The following IKBKB variants were observed in gnomAD, a reference collection of about 807,000 sequenced individuals.
IKBKB encodes inhibitor of nuclear factor kappa-B kinase subunit beta.
Under a neutral mutation model 113.6 loss-of-function variants are expected in IKBKB, and 42 were observed. The ratio of observed to expected loss-of-function variants is 0.37; its 90% CI spans 0.29 to 0.48. The LOEUF (loss-of-function observed/expected upper bound fraction) is 0.48. Among genes scored for constraint, IKBKB ranks in the 20% least tolerant of loss-of-function variants. IKBKB has a pLI of 0.99. For synonymous variants in IKBKB, 296 were observed against 361.3 expected (o/e 0.82, Z 2.05); for missense variants, 673 against 939.7 (o/e 0.72, Z 3.71).
chr8:42,301,002 C>T (rs1815088357), intron 5 of IKBKB, among the ~76,000 whole-genome samples: 1 of 152,100 alleles, frequency 6.6e-6, no homozygotes, highest in Non-Finnish European at 1.5e-5. Flanking sequence ...TGAAGGCATG[C>T]GCCACCATGC....
chr8:42,305,102 C>T (rs758703014), intron 5 of IKBKB, 85 bp from the exon 6 acceptor site: 19 of 873,296 alleles, frequency 2.2e-5, no homozygotes, highest in African/African-American at 1.3e-4. Context: ...CAGGGGCATG[C>T]GGCATTTATC....
At chr8:42,317,984 G>A (rs780663653) in intron 12 of IKBKB, among the ~76,000 whole-genome samples, 9 of 152,198 alleles carry the variant, frequency 5.9e-5, no homozygotes, top group South Asian at 2.1e-4. Flanking sequence ...CTCCTAGGAC[G>A]GGCGTGGTGG....
intron 4 of IKBKB, among the ~76,000 whole-genome samples, chr8:42,292,892 A>C (rs923240159): frequency 6.6e-6 from 1 of 152,118 alleles, no homozygotes; most frequent in Non-Finnish European, 1.5e-5. Flanking sequence ...ACCCGTACTT[A>C]CTCAGTGGTG....
At position 42,326,070 on chromosome 8, in the gene IKBKB, A is replaced by G. The variant is rs202226005; in HGVS notation, c.2087A>G (p.Asn696Ser). ...ATGTCTCAGCCCTCCACGGCCTCCA[A>G]CAGCTTACCTGAGCCAGCCAAGAAG... ...QLMSQPSTAS[N>S]SLPEPAKKSE... Residue 696 changes from asparagine to serine, a missense_variant, in exon 20 of 22, where the codon AAC becomes AGC. Around this residue, in one of 2 missense-constraint regions of IKBKB, gnomAD observed 506 missense variants for 638.7 expected, o/e 0.79. Transcript: ENST00000520810. The G allele has an allele frequency of 6.8e-5, 110 of 1,614,182 alleles. No homozygotes were observed. Among genetic ancestry groups the G allele is most frequent in the Middle Eastern group, 1.6e-4 (1 of 6,062 alleles).
intron 2 of IKBKB, among the ~76,000 whole-genome samples, chr8:42,287,164 A>G (rs1247086100): frequency 1.3e-5 from 2 of 152,192 alleles, no homozygotes; most frequent in African/African-American, 2.4e-5. Flanking sequence ...TGCCCGTGCC[A>G]CAGCCTCAGG....
At chr8:42,325,921 A>T (rs200875666) in intron 19 of IKBKB, 49 bp from the exon 20 acceptor site, 49 of 1,610,626 alleles carry the variant, frequency 3.0e-5, no homozygotes, top group Middle Eastern at 1.6e-4. Flanking sequence ...GTGAATGCAA[A>T]ATGTGATTCA....
At chr8:42,289,565 C>T (rs1295121864) in intron 3 of IKBKB, among the ~76,000 whole-genome samples, 5 of 152,200 alleles carry the variant, frequency 3.3e-5, no homozygotes, top group Admixed American at 1.3e-4. Context: ...GCTAGTGAGG[C>T]GTGAGGTGGG....
Position 42,319,376 on chromosome 8 carries a change from C to T in IKBKB, c.1471C>T (p.Gln491Ter). The T allele has an allele frequency of 6.2e-7, 1 of 1,614,158 alleles. No homozygotes were observed. The highest frequency in any genetic ancestry group is 8.5e-7 in the Non-Finnish European group (1 of 1,180,022). Residue 491 changes from glutamine to a stop codon, truncating the protein, a stop_gained, in exon 14 of 22, where the codon CAG (glutamine) becomes TAG (stop). Coordinates refer to ENST00000520810, the MANE Select transcript of IKBKB (RefSeq NM_001556.3). LOFTEE classifies it high-confidence loss of function. Reference sequence around the variant, plus strand: ...GTTGGATTTCTTCAAAACCAGCATCCAGATTGACCTGGAGAAGTACAGCGA... The same window carrying T: ...GTTGGATTTCTTCAAAACCAGCATCTAGATTGACCTGGAGAAGTACAGCGA... ...AKLDFFKTSI[Q>*]IDLEKYSEQT...
chr8:42,292,915 A>T (rs1812952830), intron 4 of IKBKB, among the ~76,000 whole-genome samples: 1 of 152,178 alleles, frequency 6.6e-6, no homozygotes, highest in African/African-American at 2.4e-5. Flanking sequence ...GGTTAGTATT[A>T]AATGAGGTCA....
chr8:42,312,036 G>A (rs918007707), intron 8 of IKBKB, among the ~76,000 whole-genome samples: 3 of 152,008 alleles, frequency 2.0e-5, no homozygotes, highest in African/African-American at 7.3e-5. Context: ...ACAGGCGCCC[G>A]CCACCACGCC....
chr8:42,290,386 A>G (rs1253232999), intron 4 of IKBKB, 113 bp downstream of exon 4: 1 of 739,320 alleles, frequency 1.4e-6, no homozygotes, highest in Admixed American at 2.1e-5. Context: ...GGGGAGCCCC[A>G]GTGACTCCAG....
intron 2 of IKBKB, among the ~76,000 whole-genome samples, chr8:42,285,521 C>T (rs1185357247): frequency 6.6e-6 from 1 of 152,156 alleles, no homozygotes; most frequent in Non-Finnish European, 1.5e-5. Context: ...CTCCACTGCA[C>T]TGCAGCCTGG....
chr8:42,331,337 G>T lies in IKBKB; in HGVS notation c.*358G>T, dbSNP rs200664132. ...AGCCATGGCAGCTCCTTCCTCTGCCGTGAGAAAAGTGCTTGGAGTACGGTT... is the reference window on the plus strand; with the variant it reads ...AGCCATGGCAGCTCCTTCCTCTGCCTTGAGAAAAGTGCTTGGAGTACGGTT... On this transcript the variant is annotated 3_prime_UTR_variant, in exon 22 of 22. Transcript: ENST00000520810. The T allele has an allele frequency of 8.8e-5, 62 of 702,824 alleles. 1 individual carries two copies. In the South Asian group the frequency reaches 9.0e-4, roughly 10 times the overall value. 43.5% of individuals were successfully genotyped at this position (702,824 alleles called of 1,614,324 possible).
At chr8:42,322,182 G>C in intron 18 of IKBKB, 29 bp downstream of exon 18, 1 of 1,590,214 alleles carries the variant, frequency 6.3e-7, no homozygotes, top group Non-Finnish European at 8.6e-7. Context: ...CTGCTCTGGA[G>C]GAAGGACTGG....
chr8:42,321,482 C>G (rs1819770641), intron 16 of IKBKB: 1 of 159,246 alleles, frequency 6.3e-6, no homozygotes, highest in South Asian at 1.9e-4. Context: ...TGTATTTTCT[C>G]TAATTAACCC....
In IKBKB at chr8:42,326,005, T is replaced by C; in HGVS notation, c.2022T>C (p.Asp674=). 3 of 1,614,218 alleles carry C rather than the reference T, an allele frequency of 1.9e-6. No homozygotes were observed. The highest frequency in any genetic ancestry group is 2.5e-6 in the Non-Finnish European group (3 of 1,180,038). Residue 674 remains aspartate (D), a synonymous_variant, in exon 20 of 22, where the codon GAT becomes GAC. Coordinates refer to ENST00000520810, the MANE Select transcript of IKBKB (RefSeq NM_001556.3). ...KVRGPVSGSP[D]SMNASRLSQP... ...GTGGTCCTGTCAGTGGAAGCCCGGA[T>C]AGCATGAATGCCTCTCGACTTAGCC...
intron 1 of IKBKB, 28 bp from the exon 2 acceptor site, chr8:42,272,055 T>C (rs774608043): frequency 1.3e-6 from 2 of 1,591,684 alleles, no homozygotes; most frequent in South Asian, 1.1e-5. Context: ...AATCCTAACC[T>C]TTTTTCCCCA....
intron 6 of IKBKB, among the ~76,000 whole-genome samples, 167 bp from the exon 7 acceptor site, chr8:42,306,176 C>A (rs1816486489): frequency 3.3e-5 from 5 of 152,188 alleles, no homozygotes. Flanking sequence ...CCTGAATCTA[C>A]CGTGTCGAGG....
At chr8:42,308,879 G>C in intron 7 of IKBKB, 22 bp from the exon 8 acceptor site, 4 of 1,612,622 alleles carry the variant, frequency 2.5e-6, no homozygotes, top group Non-Finnish European at 3.4e-6. Flanking sequence ...CAGCTCAGGT[G>C]TACCCCCTCC....
Sources: allele counts gnomAD v4.1 joint callset (sites outside exome capture counted in the v4.1 genomes callset), GRCh38; gene constraint gnomAD v4.1.1; regional missense constraint gnomAD v4.1.1; transcripts MANE v1.5; gene names NCBI Gene and HGNC (gene_info 2026-07-23, HGNC 2026-07-21).